The following ZNF407 variants were observed in gnomAD, a reference collection of about 807,000 sequenced individuals.
ZNF407 encodes the protein zinc finger protein 407.
In ZNF407, 17 loss-of-function variants were observed where a neutral mutation model predicts 131.2. That is an observed-to-expected ratio of 0.13 (90% CI 0.09 to 0.19). The LOEUF is 0.19. ZNF407 is among the 10% of genes least tolerant of loss of function. ZNF407 has a pLI of 1.00. For synonymous variants in ZNF407, 1,156 were observed against 1,062.0 expected (o/e 1.09, Z -1.72); for missense variants, 2,681 against 2,830.6 (o/e 0.95, Z 1.20).
chr18:74,648,227 G>C (rs1217656354), intron 3 of ZNF407, among the ~76,000 whole-genome samples: 1 of 152,176 alleles, frequency 6.6e-6, no homozygotes, highest in Admixed American at 6.5e-5. Flanking sequence ...GCAGCAAGTG[G>C]AAGTTAGGCA....
At chr18:74,999,651 A>G (rs1373623542) in intron 8 of ZNF407, among the ~76,000 whole-genome samples, 1 of 152,240 alleles carries the variant, frequency 6.6e-6, no homozygotes, top group African/African-American at 2.4e-5. Flanking sequence ...GATTGCTGAT[A>G]GTGTAAAAGA....
intron 4 of ZNF407, among the ~76,000 whole-genome samples, chr18:74,822,692 GT>G (rs1385671745): frequency 6.6e-6 from 1 of 152,282 alleles, no homozygotes; most frequent in East Asian, 1.9e-4. Flanking sequence ...TTGAAGTCAG[GT>G]AGCATGATGC....
chr18:74,779,109 A>ATATATATATTTTTTTTTTTTTTTTTTT (rs397943457), intron 3 of ZNF407, among the ~76,000 whole-genome samples: 1 of 24,372 alleles, frequency 4.1e-5, no homozygotes, highest in African/African-American at 1.4e-4. Flanking sequence ...ATATATATAT[A>ATATATATATTTTTTTTTTTTTTTTTTT]TTTTTTTTTT....
At chr18:74,937,550 G>T (rs529925082) in intron 8 of ZNF407, among the ~76,000 whole-genome samples, 1 of 152,164 alleles carries the variant, frequency 6.6e-6, no homozygotes, top group South Asian at 2.1e-4. Context: ...GTCAGGGTTC[G>T]ACCACAGAAG....
In ZNF407 at chr18:75,065,166, CT is replaced by C. The variant is rs1292879426; in HGVS notation, c.*700del. 1 of 152,408 alleles carries C rather than the reference CT, an allele frequency of 6.6e-6. No homozygotes were observed. The highest frequency in any genetic ancestry group is 1.9e-4 in the East Asian group (1 of 5,192). 9.4% of individuals were successfully genotyped at this position (152,408 alleles called of 1,614,324 possible). A position where few individuals can be genotyped will look rare whatever the true frequency, so the allele number is the denominator to read the frequency against. On this transcript the variant is annotated 3_prime_UTR_variant, in exon 9 of 9. Transcript: ENST00000299687. ...TCTTAAGCCTATGGTTAAGAAAAGC[CT>C]TGAAGTTTATATTCAGTTAAAATAT...
intron 4 of ZNF407, among the ~76,000 whole-genome samples, chr18:74,789,414 C>T (rs1257357856): frequency 1.3e-5 from 2 of 151,888 alleles, no homozygotes; most frequent in East Asian, 1.9e-4. Context: ...GAGTTGTGTG[C>T]GTTGTTTCAG....
Position 75,063,370 on chromosome 18 carries a change from G to T in ZNF407, c.5649G>T (p.Glu1883Asp). Residue 1883 changes from glutamate to aspartate, a missense_variant, in exon 9 of 9, where the codon GAG becomes GAT. Physicochemically the swap from Glu to Asp is conservative, Grantham distance 45 (BLOSUM62 2). This residue lies in a region of ZNF407 where 620 missense variants were observed against 583.1 expected (regional missense o/e 1.06). Transcript: ENST00000299687. This position sits in a 1 kb window ranked among gnomAD's most constrained non-coding sequence, Gnocchi z 6.6. The stretch of plus-strand genomic sequence containing the variant: ...AGTTTGCCCTGGACCCCTCGGTGGA[G>T]GAGACGGCCGCCGCCACGCTGCAGA... ...DGEFALDPSV[E>D]ETAAATLQTL... 4.3e-6 allele frequency: 7 copies of T among 1,611,376 alleles called. No individual in the cohort carries two copies. Among genetic ancestry groups the T allele is most frequent in the Non-Finnish European group, 5.9e-6 (7 of 1,179,176 alleles).
At chr18:74,767,649 C>CTT (rs71905017) in intron 3 of ZNF407, among the ~76,000 whole-genome samples, 65 of 84,410 alleles carry the variant, frequency 7.7e-4, no homozygotes, top group African/African-American at 3.0e-3. Flanking sequence ...TCTGAATTCT[C>CTT]TTTTTTTTTT....
chr18:74,728,948 A>G (rs1599104722), intron 3 of ZNF407, among the ~76,000 whole-genome samples: 1 of 152,152 alleles, frequency 6.6e-6, no homozygotes, highest in Non-Finnish European at 1.5e-5. Context: ...GCTCCTTTCC[A>G]CTTTTAGTCA....
chr18:74,722,541 A>G (rs1413787038), intron 3 of ZNF407, among the ~76,000 whole-genome samples: 1 of 152,072 alleles, frequency 6.6e-6, no homozygotes, highest in African/African-American at 2.4e-5. Context: ...CCCTCACCCC[A>G]GATTTCTTCC....
chr18:74,826,279 GGA>G (rs909480761), intron 4 of ZNF407, among the ~76,000 whole-genome samples: 26 of 151,506 alleles, frequency 1.7e-4, no homozygotes, highest in Admixed American at 9.9e-4. Context: ...AAAACTGATA[GGA>G]GAGAGAGAGA....
chr18:74,801,073 T>C (rs1451237929), intron 4 of ZNF407, among the ~76,000 whole-genome samples: 5 of 152,106 alleles, frequency 3.3e-5, no homozygotes, highest in Non-Finnish European at 7.4e-5. Context: ...AAATAAGCAG[T>C]CCATACTCTT....
chr18:74,950,577 T>G (rs910297720), intron 8 of ZNF407, among the ~76,000 whole-genome samples: 1 of 152,228 alleles, frequency 6.6e-6, no homozygotes. Context: ...TTTGGGTCAC[T>G]GATACAATTG....
intron 4 of ZNF407, among the ~76,000 whole-genome samples, chr18:74,804,978 G>A (rs528425643): frequency 2.0e-5 from 3 of 152,274 alleles, no homozygotes; most frequent in East Asian, 1.9e-4. Flanking sequence ...TTCAGCTACC[G>A]TTGTTTCAGT....
At chr18:74,965,722 T>C (rs1972401809) in intron 8 of ZNF407, among the ~76,000 whole-genome samples, 1 of 152,226 alleles carries the variant, frequency 6.6e-6, no homozygotes, top group South Asian at 2.1e-4. Flanking sequence ...ACTTTTAGTT[T>C]CTTGAGGAAG....
At chr18:74,777,650 A>G (rs1373772126) in intron 3 of ZNF407, among the ~76,000 whole-genome samples, 1 of 152,164 alleles carries the variant, frequency 6.6e-6, no homozygotes, top group Non-Finnish European at 1.5e-5. Context: ...CCCAAATCTG[A>G]CCACGTCTTC....
chr18:74,706,222 C>T (rs950826658), intron 3 of ZNF407, among the ~76,000 whole-genome samples: 2 of 152,102 alleles, frequency 1.3e-5, no homozygotes, highest in African/African-American at 4.8e-5. Context: ...GATTCTTCAC[C>T]TTTTTCATTC....
chr18:74,890,215 G>A (rs1971365251), intron 7 of ZNF407, among the ~76,000 whole-genome samples, 177 bp downstream of exon 7: 1 of 152,148 alleles, frequency 6.6e-6, no homozygotes, highest in Admixed American at 6.5e-5. Flanking sequence ...AGTGGTTTCA[G>A]GTTCACAATA....
At chr18:74,656,606 C>T (rs1985470339) in intron 3 of ZNF407, among the ~76,000 whole-genome samples, 1 of 152,050 alleles carries the variant, frequency 6.6e-6, no homozygotes, top group South Asian at 2.1e-4. Context: ...TAGGGAGCAC[C>T]TGGCCAGGCT....
Sources: gnomAD v4.1 joint callset for allele counts (sites outside exome capture counted in the v4.1 genomes callset) on GRCh38, gnomAD v4.1.1 for gene constraint, gnomAD v4.1.1 regional missense constraint, Gnocchi (gnomAD v3.1) non-coding constraint, MANE v1.5 for transcripts, NCBI Gene and HGNC (gene_info 2026-07-23, HGNC 2026-07-21) for gene names.